PKHD1: variants seen among roughly 807,000 people sequenced by gnomAD.
PKHD1 encodes fibrocystin.
PKHD1 carries 291 observed loss-of-function variants against 412.0 expected under a neutral mutation model. That is an observed-to-expected ratio of 0.71 (90% CI 0.64 to 0.78). PKHD1 has a LOEUF of 0.78. Ranked by LOEUF, PKHD1 falls within the 30% of genes least tolerant of loss-of-function variation. PKHD1 has a pLI of 0.00. For missense variants in PKHD1, 4,825 were observed against 4,950.7 expected (o/e 0.97, Z 0.76); for synonymous variants, 1,777 against 1,821.5 (o/e 0.98, Z 0.62).
chr6:51,769,913 T>C (rs1268443311), intron 55 of PKHD1, among the ~76,000 whole-genome samples: 1 of 151,686 alleles, frequency 6.6e-6, no homozygotes, highest in Non-Finnish European at 1.5e-5. Flanking sequence ...TAGAAGATAA[T>C]TTATTATACC....
Position 52,025,248 on chromosome 6 carries a change from T to C in PKHD1, c.4562A>G (p.Asp1521Gly), listed in dbSNP as rs559490700. Residue 1521 changes from aspartate (D) to glycine (G), a missense_variant, in exon 32 of 67, where the codon GAT becomes GGT. Physicochemically the swap from Asp to Gly is moderately conservative, Grantham distance 94. Coordinates refer to ENST00000371117, the MANE Select transcript of PKHD1 (RefSeq NM_138694.4). ...AGTTACATTGCAAGGAAGTTGATCA[T>C]CCACAAATACCATCGGCTCATCAGC... ...TTADEPMVFV[D>G]DQLPCNVTFF... The C allele has an allele frequency of 1.2e-6, 2 of 1,614,116 alleles. No homozygotes were observed. Among genetic ancestry groups the C allele is most frequent in the East Asian group, 2.2e-5 (1 of 44,876 alleles).
At chr6:51,627,657 G>A (rs1767427756) in intron 65 of PKHD1, among the ~76,000 whole-genome samples, 1 of 151,960 alleles carries the variant, frequency 6.6e-6, no homozygotes, top group Admixed American at 6.6e-5. Flanking sequence ...TATACAGGGA[G>A]GATTCAAGCA....
chr6:51,993,309 T>C (rs1313874728), intron 35 of PKHD1, among the ~76,000 whole-genome samples: 1 of 152,254 alleles, frequency 6.6e-6, no homozygotes, highest in South Asian at 2.1e-4. Context: ...CTGCCTTCTA[T>C]AATCAGCATC....
chr6:51,783,749 G>C (rs1346655680), intron 53 of PKHD1, among the ~76,000 whole-genome samples: 1 of 152,072 alleles, frequency 6.6e-6, no homozygotes. Context: ...CTTTGAGTGG[G>C]GGACATTTTT....
intron 29 of PKHD1, among the ~76,000 whole-genome samples, chr6:52,031,899 T>C (rs1803102981): frequency 6.6e-6 from 1 of 152,214 alleles, no homozygotes; most frequent in Non-Finnish European, 1.5e-5. Flanking sequence ...GAGCACTTGG[T>C]CAACTGTCAA....
At chr6:51,684,428 G>A (rs1262148617) in intron 60 of PKHD1, among the ~76,000 whole-genome samples, 3 of 152,058 alleles carry the variant, frequency 2.0e-5, no homozygotes, top group African/African-American at 7.2e-5. Flanking sequence ...TAAAAAGTAA[G>A]TACATACAGA....
At chr6:51,762,797 G>A (rs9382011) in intron 55 of PKHD1, among the ~76,000 whole-genome samples, 48,518 of 151,676 alleles carry the variant, frequency 0.32, 9,633 homozygotes, top group East Asian at 0.69. Context: ...TGTTTAAAAA[G>A]GTGGCCTAAA....
At chr6:51,867,336 C>A (rs1431651485) in intron 48 of PKHD1, among the ~76,000 whole-genome samples, 1 of 152,050 alleles carries the variant, frequency 6.6e-6, no homozygotes, top group Non-Finnish European at 1.5e-5. Context: ...ACCAAGGAGT[C>A]CTTGCTCCAA....
rs551082460 is a variant in PKHD1, at chr6:51,815,604, C to A, written c.8302+15257G>T. Among the ~76,000 whole-genome samples the A allele has an allele frequency of 2.6e-5, 4 of 152,230 alleles. No homozygotes were observed. In the East Asian group the frequency reaches 5.8e-4, roughly 22 times the overall value. On this transcript the variant is annotated intron_variant, in intron 52 of 66. Coordinates refer to ENST00000371117, the MANE Select transcript of PKHD1 (RefSeq NM_138694.4). ...AGATAAGTAGAACTGGACAACAATG[C>A]ATGCAGGAGAACAGCAGACGATGAG... is the stretch of plus-strand genomic sequence containing the variant.
intron 11 of PKHD1, among the ~76,000 whole-genome samples, chr6:52,066,654 A>T (rs1230500706): frequency 6.6e-6 from 1 of 152,172 alleles, no homozygotes; most frequent in East Asian, 1.9e-4. Context: ...GAACTTTGGG[A>T]GGCCGAAGCG....
At chr6:51,891,640 T>C (rs1041103827) in intron 43 of PKHD1, among the ~76,000 whole-genome samples, 3 of 151,636 alleles carry the variant, frequency 2.0e-5, no homozygotes, top group South Asian at 2.1e-4. Flanking sequence ...AGTGATAATA[T>C]AGCGGCACCC....
intron 60 of PKHD1, among the ~76,000 whole-genome samples, chr6:51,701,428 A>G (rs1779391307): frequency 6.6e-6 from 1 of 152,098 alleles, no homozygotes; most frequent in Non-Finnish European, 1.5e-5. Flanking sequence ...AGATTCTGAC[A>G]TTTATTTCTG....
intron 35 of PKHD1, among the ~76,000 whole-genome samples, chr6:51,980,310 T>C (rs1339099926): frequency 6.6e-6 from 1 of 152,194 alleles, no homozygotes; most frequent in Non-Finnish European, 1.5e-5. Context: ...TGCCACCATG[T>C]CTGCCAGCAG....
chr6:51,724,318 T>TC (rs1034085437), intron 60 of PKHD1, among the ~76,000 whole-genome samples: 4 of 152,146 alleles, frequency 2.6e-5, no homozygotes, highest in African/African-American at 9.7e-5. Flanking sequence ...GACCACGTAC[T>TC]CCCCCTAGAA....
chr6:52,076,589 A>C (rs1811360310), intron 5 of PKHD1, among the ~76,000 whole-genome samples: 1 of 152,170 alleles, frequency 6.6e-6, no homozygotes, highest in Non-Finnish European at 1.5e-5. Context: ...ATTCTGTACC[A>C]TATTGTCCAA....
chr6:51,965,779 C>T (rs535665960), intron 35 of PKHD1, among the ~76,000 whole-genome samples: 71 of 152,234 alleles, frequency 4.7e-4, no homozygotes, highest in African/African-American at 1.7e-3. Context: ...TTCCTATCCT[C>T]TGCGATTTCT....
intron 50 of PKHD1, among the ~76,000 whole-genome samples, chr6:51,840,018 C>A (rs1006074069): frequency 2.6e-5 from 4 of 152,046 alleles, no homozygotes; most frequent in Non-Finnish European, 5.9e-5. Flanking sequence ...GCTCTCTCTG[C>A]ATTTTTACCT....
At chr6:52,053,503 C>G (rs1259266772) in intron 20 of PKHD1, among the ~76,000 whole-genome samples, 2 of 152,202 alleles carry the variant, frequency 1.3e-5, no homozygotes, top group African/African-American at 4.8e-5. Flanking sequence ...CATGCAATGT[C>G]AGCAGCATTT....
Position 52,070,408 on chromosome 6 carries a change from T to C in PKHD1, c.705A>G (p.Gly235=), listed in dbSNP as rs1810423762. The part of the protein sequence containing the change: ...QNVSFSVFNK[G]KSMVHKKAWL... ...TATTTCTATACCCAGTTACTTACTT[T>C]CCTTTGTTAAATACTGAGAAGCTAA... Residue 235 remains glycine (G), a splice_region_variant and synonymous_variant, in exon 10 of 67, where the codon GGA becomes GGG. Coordinates refer to ENST00000371117, the MANE Select transcript of PKHD1 (RefSeq NM_138694.4). The C allele has an allele frequency of 1.9e-6, 3 of 1,603,088 alleles. No individual in the cohort carries two copies. The highest frequency in any genetic ancestry group is 2.6e-6 in the Non-Finnish European group (3 of 1,170,110).
Sources: gnomAD v4.1 joint callset for allele counts (sites outside exome capture counted in the v4.1 genomes callset) on GRCh38, gnomAD v4.1.1 for gene constraint, MANE v1.5 for transcripts, NCBI Gene and HGNC (gene_info 2026-07-23, HGNC 2026-07-21) for gene names.